The following HPX variants were observed in gnomAD, a reference collection of about 807,000 sequenced individuals.
HPX encodes beta-1B-glycoprotein.
A neutral mutation model predicts 53.8 loss-of-function variants in HPX; 42 were observed. The ratio of observed to expected loss-of-function variants is 0.78; its 90% confidence interval spans 0.61 to 1.01. The LOEUF (loss-of-function observed/expected upper bound fraction) is 1.01, where lower values mean the gene tolerates loss of function less well. Among genes scored for constraint, HPX ranks in the 50% least tolerant of loss-of-function variants. HPX has a pLI of 0.00. For synonymous variants in HPX, 229 were observed against 221.1 expected, an observed-to-expected ratio of 1.04 and a Z score of -0.32; for missense variants, 547 against 594.3, an observed-to-expected ratio of 0.92 and a Z score of 0.83.
At chr11:6,440,446 C>G in intron 3 of HPX, 21 bp downstream of exon 3, 1 of 1,606,208 alleles carries the variant, frequency 6.2e-7, no homozygotes, top group South Asian at 1.1e-5. Context: ...TCCTAAACGC[C>G]CTAACCTCAG....
intron 7 of HPX, chr11:6,432,224 G>A: frequency 1.7e-6 from 1 of 603,650 alleles, no homozygotes; most frequent in Non-Finnish European, 2.9e-6. Flanking sequence ...ATCAGCAGGT[G>A]CCTGAAAGAA....
intron 5 of HPX, chr11:6,437,945 G>A: frequency 1.8e-6 from 1 of 543,406 alleles, no homozygotes; most frequent in South Asian, 2.2e-5. Flanking sequence ...GAACCCCAGA[G>A]AGAGGAAAGA....
chr11:6,438,410 C>T lies in HPX; in HGVS notation c.436G>A (p.Ala146Thr), dbSNP rs1487587586. Residue 146 changes from alanine to threonine, a missense_variant, in exon 5 of 10, where the codon GCT becomes ACT. Ala to Thr is a moderately conservative substitution (Grantham distance 58). Coordinates refer to ENST00000265983, the MANE Select transcript of HPX (RefSeq NM_000613.3). ...FPGIPSPLDA[A>T]VECHRGECQA... ...CATTCTCCACGGTGACATTCCACAG[C>T]TGCATCCAGTGGGGATGGGATTCCA... is the stretch of plus-strand genomic sequence containing the variant. 6.2e-7 allele frequency: 1 copy of T among 1,613,980 alleles called. No individual in the cohort carries two copies. Among genetic ancestry groups the T allele is most frequent in the East Asian group, 2.2e-5 (1 of 44,898 alleles).
Position 6,432,032 on chromosome 11 carries a change from A to G in HPX, c.836-15T>C. ...GTAGTGGGTCCCTGTGGAATACCAT[A>G]GGTTGCTCTAGGGCCGCTGGCAGAA... On this transcript the variant is annotated splice_polypyrimidine_tract_variant and intron_variant, in intron 7 of 9. Transcript: ENST00000265983. 6.2e-7 allele frequency: 1 copy of G among 1,614,034 alleles called. No homozygotes were observed. Among genetic ancestry groups the G allele is most frequent in the Non-Finnish European group, 8.5e-7 (1 of 1,180,002 alleles).
chr11:6,435,575 T>G (rs558241131), intron 7 of HPX, among the ~76,000 whole-genome samples: 72 of 152,180 alleles, frequency 4.7e-4, no homozygotes, highest in African/African-American at 1.7e-3. Context: ...GCCTCTGAAG[T>G]AGATGGGACT....
chr11:6,437,688 C>T (rs767652280), intron 5 of HPX, 36 bp from the exon 6 acceptor site: 24 of 1,552,922 alleles, frequency 1.5e-5, no homozygotes, highest in South Asian at 6.7e-5. Flanking sequence ...TTGGTGAGAC[C>T]GGGTTACGCC....
intron 4 of HPX, 161 bp downstream of exon 4, chr11:6,440,004 G>A (rs965418877): frequency 1.2e-6 from 1 of 869,160 alleles, no homozygotes; most frequent in South Asian, 1.4e-5. Flanking sequence ...CCACACGCAT[G>A]CACACTCCCT....
chr11:6,437,382 A>G, intron 6 of HPX, 58 bp downstream of exon 6: 3 of 1,517,066 alleles, frequency 2.0e-6, no homozygotes, highest in East Asian at 2.3e-5. Context: ...CGTGAGATCC[A>G]CAAGCTCAGG....
At chr11:6,436,507 C>A (rs927056600) in intron 7 of HPX, among the ~76,000 whole-genome samples, 5 of 152,188 alleles carry the variant, frequency 3.3e-5, no homozygotes, top group Non-Finnish European at 7.3e-5. Context: ...TGAAGCCAGC[C>A]TCTAAAGGTC....
chr11:6,440,221 G>T lies in HPX; in HGVS notation c.280C>A (p.Pro94Thr). 1 of 1,614,024 alleles carries T rather than the reference G, an allele frequency of 6.2e-7. No individual in the cohort carries two copies. The highest frequency in any genetic ancestry group is 8.5e-7 in the Non-Finnish European group (1 of 1,180,010). Residue 94 changes from proline to threonine, a missense_variant, in exon 4 of 10, where the codon CCC (proline) becomes ACC (threonine). Transcript: ENST00000265983. ...ELISERWKNF[P>T]SPVDAAFRQG... ...CGGAATGCAGCATCCACAGGGCTGG[G>T]GAAATTCTTCCATCTCTCTGAGATT...
chr11:6,440,276 C>A lies in HPX; in HGVS notation c.225G>T (p.Val75=), dbSNP rs776076287. ...GTMLFFKGEF[V]WKSHKWDREL... The stretch of plus-strand genomic sequence containing the variant: ...CCCGGTCCCATTTGTGACTCTTCCA[C>A]ACAAACTCCCCTGAAAAAACCCACA... The change falls in exon 4 of 10, where the codon GTG becomes GTT. Residue 75 remains valine, a synonymous_variant. Coordinates refer to ENST00000265983, the MANE Select transcript of HPX (RefSeq NM_000613.3). 2 of 1,613,934 alleles carry A rather than the reference C, an allele frequency of 1.2e-6. No homozygotes were observed.
At position 6,440,287 on chromosome 11, in the gene HPX, C is replaced by T; in HGVS notation, c.215-1G>A. ...TTGTGACTCTTCCACACAAACTCCC[C>T]TGAAAAAACCCACACTCACTGAGGG... On this transcript the variant is annotated splice_acceptor_variant, in intron 3 of 9. Coordinates refer to ENST00000265983, the MANE Select transcript of HPX (RefSeq NM_000613.3). LOFTEE classifies it high-confidence loss of function. 1 of 1,613,828 alleles carries T rather than the reference C, an allele frequency of 6.2e-7. No homozygotes were observed. The highest frequency in any genetic ancestry group is 8.5e-7 in the Non-Finnish European group (1 of 1,180,014).
intron 7 of HPX, among the ~76,000 whole-genome samples, chr11:6,432,935 C>T (rs917266154): frequency 1.3e-5 from 2 of 152,210 alleles, no homozygotes; most frequent in Admixed American, 6.5e-5. Context: ...TCAGCTCTGA[C>T]TGACCTCTCC....
chr11:6,436,168 G>C (rs1368906313), intron 7 of HPX, among the ~76,000 whole-genome samples: 3 of 152,194 alleles, frequency 2.0e-5, no homozygotes, highest in Non-Finnish European at 4.4e-5. Flanking sequence ...TGCTCTCCAT[G>C]TGGTGATGTA....
intron 7 of HPX, among the ~76,000 whole-genome samples, chr11:6,435,157 C>T (rs952214440): frequency 6.6e-6 from 1 of 152,030 alleles, no homozygotes; most frequent in Admixed American, 6.6e-5. Context: ...CGCCTGTAGT[C>T]CCAGCTATAC....
rs763307223 is a variant in HPX at position 6,432,155 on chromosome 11, G to A, written c.836-138C>T. 228 of 900,584 alleles carry A rather than the reference G, an allele frequency of 2.5e-4. 1 individual carries two copies. The highest frequency in any genetic ancestry group is 7.0e-5 in the Admixed American group (3 of 43,126). The allele number at this position is 900,584 out of a possible 1,614,324, so 55.8% of individuals were successfully genotyped here. On this transcript the variant is annotated intron_variant, in intron 7 of 9. Coordinates refer to ENST00000265983, the MANE Select transcript of HPX (RefSeq NM_000613.3). ...AAGATGGAAGAGGCCAGGTGAGAAG[G>A]AGAAATAGAGCAAGACTTGGTCAGC...
intron 7 of HPX, among the ~76,000 whole-genome samples, chr11:6,434,877 G>C (rs1222885764): frequency 6.6e-6 from 1 of 152,004 alleles, no homozygotes; most frequent in Non-Finnish European, 1.5e-5. Context: ...AGAAAGTGGA[G>C]AGAACATGAT....
chr11:6,440,920 C>T lies in HPX; in HGVS notation c.44G>A (p.Ser15Asn). 1 of 1,612,466 alleles carries T rather than the reference C, an allele frequency of 6.2e-7. No individual in the cohort carries two copies. Among genetic ancestry groups the T allele is most frequent in the Non-Finnish European group, 8.5e-7 (1 of 1,179,282 alleles). The part of the protein sequence containing the change: ...LGAPVALGLW[S>N]LCWSLAIATP... ...GGCAATGGCCAGAGACCAGCATAGG[C>T]TCCACAACCCCAGTGCAACGGGTGC... is the stretch of plus-strand genomic sequence containing the variant. The change falls in exon 1 of 10, where the codon AGC (serine) becomes AAC (asparagine). Residue 15 changes from serine (S) to asparagine (N), a missense_variant. Transcript: ENST00000265983.
At position 6,431,524 on chromosome 11, in the gene HPX, C is replaced by T. The variant is rs1849348108; in HGVS notation, c.1130-54G>A. 6.2e-6 allele frequency: 10 copies of T among 1,610,006 alleles called. No homozygotes were observed. In the South Asian group the frequency reaches 1.1e-4, roughly 18 times the overall value. Reference sequence around the variant, plus strand: ...GCTTCCATGTCATGGGGATCCTGACCTAGGCCTTCTCATGCCCTGGGGATC... The same window carrying T: ...GCTTCCATGTCATGGGGATCCTGACTTAGGCCTTCTCATGCCCTGGGGATC... On this transcript the variant is annotated intron_variant, in intron 9 of 9. Transcript: ENST00000265983.
Sources: allele counts gnomAD v4.1 joint callset (sites outside exome capture counted in the v4.1 genomes callset), GRCh38; gene constraint gnomAD v4.1.1; transcripts MANE v1.5; gene names NCBI Gene and HGNC (gene_info 2026-07-23, HGNC 2026-07-21).